Variants in PDGFD observed in about 807,000 individuals in gnomAD.
The protein encoded by PDGFD is platelet derived growth factor D, also known as platelet-derived growth factor D.
Under a neutral mutation model 44.7 loss-of-function variants are expected in PDGFD, and 30 were observed. The observed-to-expected ratio is 0.67, with a 90% confidence interval of 0.50 to 0.91. PDGFD has a LOEUF of 0.91. PDGFD is among the 40% of genes least tolerant of loss of function. The pLI is 0.00. For synonymous variants in PDGFD, 173 were observed against 168.4 expected (o/e 1.03, Z -0.21); for missense variants, 445 against 457.8 (o/e 0.97, Z 0.25).
chr11:104,121,535 A>G (rs937651937), intron 1 of PDGFD, among the ~76,000 whole-genome samples: 20 of 152,064 alleles, frequency 1.3e-4, no homozygotes, highest in Non-Finnish European at 7.4e-5. Flanking sequence ...AATTTTGTGG[A>G]ACATAGTAAA....
chr11:103,961,312 A>G (rs1858931918), intron 3 of PDGFD, among the ~76,000 whole-genome samples: 1 of 152,198 alleles, frequency 6.6e-6, no homozygotes, highest in Non-Finnish European at 1.5e-5. Flanking sequence ...GAATGAATAA[A>G]TGAATAATCC....
intron 3 of PDGFD, among the ~76,000 whole-genome samples, chr11:103,988,970 C>T (rs866174417): frequency 6.6e-5 from 10 of 152,052 alleles, no homozygotes; most frequent in African/African-American, 1.9e-4. Context: ...TACAATGCCT[C>T]ATATGTGAAA....
At chr11:103,979,849 C>T (rs1313533584) in intron 3 of PDGFD, among the ~76,000 whole-genome samples, 1 of 151,998 alleles carries the variant, frequency 6.6e-6, no homozygotes, top group Non-Finnish European at 1.5e-5. Flanking sequence ...ACAAGGGATG[C>T]TCTTACAAAA....
chr11:103,955,783 A>T (rs1195722057), intron 3 of PDGFD, among the ~76,000 whole-genome samples: 1 of 152,122 alleles, frequency 6.6e-6, no homozygotes, highest in Non-Finnish European at 1.5e-5. Flanking sequence ...TATAGTAAAA[A>T]TATCTTTAAT....
chr11:104,018,124 C>A (rs537111132), intron 1 of PDGFD, among the ~76,000 whole-genome samples: 1 of 151,992 alleles, frequency 6.6e-6, no homozygotes, highest in African/African-American at 2.4e-5. Context: ...TTTACATTGT[C>A]CCCCAATTGC....
intron 3 of PDGFD, among the ~76,000 whole-genome samples, chr11:103,978,759 G>A (rs896478153): frequency 1.3e-5 from 2 of 152,030 alleles, no homozygotes; most frequent in Admixed American, 1.3e-4. Flanking sequence ...TAACTGTCTT[G>A]TACCCCTGTA....
At chr11:104,132,586 G>T (rs1424231059) in intron 1 of PDGFD, among the ~76,000 whole-genome samples, 1 of 151,974 alleles carries the variant, frequency 6.6e-6, no homozygotes, top group Non-Finnish European at 1.5e-5. Context: ...ATGAGTAAGA[G>T]AGGCTTATAA....
Position 104,075,675 on chromosome 11 carries a change from A to G in PDGFD, c.125-75420T>C, listed in dbSNP as rs147049154. Among the ~76,000 whole-genome samples the G allele has an allele frequency of 6.0e-3, 919 of 151,978 alleles. 7 individuals carry two copies. Among genetic ancestry groups the G allele is most frequent in the African/African-American group, 0.021 (872 of 41,424 alleles). The stretch of plus-strand genomic sequence containing the variant: ...CCGCCCAGCTAATTTTTATACCTTA[A>G]TAACCTTGGTAGATACCTCCTAGTT... On this transcript the variant is annotated intron_variant, in intron 1 of 6. Transcript: ENST00000393158.
At chr11:103,952,018 T>C (rs990820331) in intron 3 of PDGFD, among the ~76,000 whole-genome samples, 1 of 152,222 alleles carries the variant, frequency 6.6e-6, no homozygotes, top group Non-Finnish European at 1.5e-5. Context: ...ATAAGGATAA[T>C]GATCAGCTGC....
At chr11:104,058,556 T>A (rs902651000) in intron 1 of PDGFD, among the ~76,000 whole-genome samples, 3 of 152,172 alleles carry the variant, frequency 2.0e-5, no homozygotes, top group African/African-American at 7.2e-5. Context: ...TTGATGGGAA[T>A]GCACAAAGGA....
rs144176758 is a variant in PDGFD, at chr11:103,947,710, G to A, written c.525C>T (p.Pro175=). The A allele has an allele frequency of 1.2e-4, 186 of 1,613,350 alleles. No homozygotes were observed. The African/African-American group carries it at 1.5e-3, about 13-fold the overall frequency. The change falls in exon 4 of 7, where the codon CCC becomes CCT. Residue 175 remains proline (P), a synonymous_variant. Transcript: ENST00000393158. The part of the protein sequence containing the change: ...IYYSLLEDFQ[P]AAASETNWES... ...CCCAGTTGGTCTCTGAAGCTGCTGC[G>A]GGTTGGAAATCTTCCTGGAAGGCAA...
intron 1 of PDGFD, among the ~76,000 whole-genome samples, chr11:104,045,522 T>C (rs549543734): frequency 2.0e-5 from 3 of 152,034 alleles, no homozygotes; most frequent in East Asian, 1.9e-4. Context: ...AATGAGAGCA[T>C]GGGATACTCA....
intron 5 of PDGFD, among the ~76,000 whole-genome samples, chr11:103,935,186 G>A (rs182415141): frequency 1.6e-4 from 24 of 152,246 alleles, no homozygotes; most frequent in African/African-American, 5.8e-4. Flanking sequence ...TAGATGAGGG[G>A]AATAACTTTG....
chr11:104,160,618 C>T (rs531721568), intron 1 of PDGFD, among the ~76,000 whole-genome samples: 2 of 152,036 alleles, frequency 1.3e-5, no homozygotes, highest in Admixed American at 6.6e-5. Flanking sequence ...ATAATAAATA[C>T]GATATAAGGA....
intron 1 of PDGFD, chr11:104,036,974 A>T (rs761842739): frequency 3.1e-6 from 5 of 1,614,192 alleles, no homozygotes; most frequent in Non-Finnish European, 4.2e-6. Flanking sequence ...ATCCACATGG[A>T]GCGACTCCTC....
intron 4 of PDGFD, among the ~76,000 whole-genome samples, chr11:103,945,339 C>T (rs897240248): frequency 2.0e-5 from 3 of 152,144 alleles, no homozygotes; most frequent in African/African-American, 4.8e-5. Flanking sequence ...CTGACTGACA[C>T]ACATCATTTC....
chr11:104,092,221 T>A (rs1861221607), intron 1 of PDGFD, among the ~76,000 whole-genome samples: 1 of 152,200 alleles, frequency 6.6e-6, no homozygotes, highest in African/African-American at 2.4e-5. Flanking sequence ...TCATGTGGTC[T>A]CCCAATTTGT....
chr11:104,090,510 T>A (rs2134436623), intron 1 of PDGFD, among the ~76,000 whole-genome samples: 1 of 150,362 alleles, frequency 6.7e-6, no homozygotes, highest in Non-Finnish European at 1.5e-5. Context: ...GTGCCTGTAG[T>A]CCCAGCTACT....
At chr11:103,949,295 G>C (rs1406731468) in intron 3 of PDGFD, among the ~76,000 whole-genome samples, 1 of 152,134 alleles carries the variant, frequency 6.6e-6, no homozygotes, top group African/African-American at 2.4e-5. Flanking sequence ...GAGCCACTGG[G>C]CCCGGCCTCG....
Sources: allele counts gnomAD v4.1 joint callset (sites outside exome capture counted in the v4.1 genomes callset), GRCh38; gene constraint gnomAD v4.1.1; transcripts MANE v1.5; gene names NCBI Gene and HGNC (gene_info 2026-07-23, HGNC 2026-07-21).